The following PPRC1 variants were observed in gnomAD, a reference collection of about 807,000 sequenced individuals.
The protein encoded by PPRC1 is peroxisome proliferator-activated receptor gamma coactivator-related protein 1.
Under a neutral mutation model 132.5 loss-of-function variants are expected in PPRC1, and 23 were observed. The observed-to-expected ratio is 0.17, with a 90% CI of 0.12 to 0.25. PPRC1 has a LOEUF of 0.25. Ranked by LOEUF, PPRC1 falls within the 10% of genes least tolerant of loss-of-function variation. The pLI is 1.00. For missense variants in PPRC1, 2,006 were observed against 2,089.1 expected, an observed-to-expected ratio of 0.96 and a Z score of 0.78; for synonymous variants, 872 against 833.5, an observed-to-expected ratio of 1.05 and a Z score of -0.80.
chr10:102,143,014 G>T, intron 5 of PPRC1, 31 bp from the exon 6 acceptor site: 1 of 1,596,508 alleles, frequency 6.3e-7, no homozygotes, highest in East Asian at 2.2e-5. Flanking sequence ...ATAGGGGCTC[G>T]TTTTCAATCC....
chr10:102,126,315 T>C, the PPRC1 span, among the ~76,000 whole-genome samples: 2 of 149,822 alleles, frequency 1.3e-5, no homozygotes, highest in Non-Finnish European at 3.0e-5. Context: ...GTACTTTAGC[T>C]TGAATGACAG....
chr10:102,137,759 GC>G lies in PPRC1; in HGVS notation c.154-87del, dbSNP rs1361238763. The G allele has an allele frequency of 4.8e-6, 6 of 1,249,390 alleles. No individual in the cohort carries two copies. The African/African-American group carries it at 6.1e-5, about 13-fold the overall frequency. The allele number at this position is 1,249,390 out of a possible 1,614,324, so 77.4% of individuals were successfully genotyped here. A position where few individuals can be genotyped will look rare whatever the true frequency, so the allele number is the denominator to read the frequency against. ...GACAGTGTTGCTGCTGCTGAGTTTG[GC>G]CCCAGCAGTGGAGGGTACCTGATTT... On this transcript the variant is annotated intron_variant, in intron 1 of 13. Transcript: ENST00000278070.
Position 102,138,519 on chromosome 10 carries a change from G to A in PPRC1, c.343-100G>A, listed in dbSNP as rs1318513234. 6.3e-6 allele frequency: 9 copies of A among 1,438,936 alleles called. No homozygotes were observed. The South Asian group carries it at 1.1e-4, about 17-fold the overall frequency. 89.1% of individuals were successfully genotyped at this position (1,438,936 alleles called of 1,614,324 possible). On this transcript the variant is annotated intron_variant, in intron 2 of 13. Transcript: ENST00000278070. ...TCCTTCTCGCTGCCCCATTAGCTGAGTTGAACCTGGGAGACTGATTCTCTC... is the reference window on the plus strand; with the variant it reads ...TCCTTCTCGCTGCCCCATTAGCTGAATTGAACCTGGGAGACTGATTCTCTC...
chr10:102,135,358 C>CTATA (rs77613239), intron 1 of PPRC1, among the ~76,000 whole-genome samples: 9 of 150,848 alleles, frequency 6.0e-5, no homozygotes, highest in South Asian at 4.2e-4. Context: ...CTTTTGTAAG[C>CTATA]TATATATATA....
At chr10:102,123,833 CTTTTT>C in the PPRC1 span, among the ~76,000 whole-genome samples, 1 of 68,294 alleles carries the variant, frequency 1.5e-5, no homozygotes, top group Non-Finnish European at 2.8e-5. Context: ...CACGCCCGGC[CTTTTT>C]TTTTTTTTTT....
upstream of PPRC1, among the ~76,000 whole-genome samples, chr10:102,130,416 CAAAAAAAAAA>C (rs1203599289): frequency 6.3e-5 from 1 of 15,980 alleles, no homozygotes; most frequent in Non-Finnish European, 1.5e-4. Flanking sequence ...GAATCCTTCT[CAAAAAAAAAA>C]AAAAAAAAAA....
chr10:102,137,710 G>C, intron 1 of PPRC1, 140 bp from the exon 2 acceptor site: 1 of 742,508 alleles, frequency 1.3e-6, no homozygotes, highest in Non-Finnish European at 2.1e-6. Flanking sequence ...GCTTCTCTCT[G>C]CTCTGCTAGC....
intron 6 of PPRC1, among the ~76,000 whole-genome samples, chr10:102,143,730 C>T (rs1346307905): frequency 6.6e-6 from 1 of 151,814 alleles, no homozygotes; most frequent in East Asian, 1.9e-4. Flanking sequence ...TGTGTGGCAA[C>T]TAAAGGCAGA....
At chr10:102,136,675 GTATCA>G (rs2068734489) in intron 1 of PPRC1, among the ~76,000 whole-genome samples, 1 of 152,116 alleles carries the variant, frequency 6.6e-6, no homozygotes, top group Non-Finnish European at 1.5e-5. Flanking sequence ...TGTATTGTTT[GTATCA>G]ATACATACCA....
At position 102,138,658 on chromosome 10, in the gene PPRC1, C is replaced by T; in HGVS notation, c.382C>T (p.Leu128Phe). Residue 128 changes from leucine (L) to phenylalanine (F), a missense_variant, in exon 3 of 14, where the codon CTC (leucine) becomes TTC (phenylalanine). Transcript: ENST00000278070. ...GGAGGACCAGAATGAAGTGTCGCTG[C>T]TCACGGCTCTGACGGAGATCTTGGA... is the stretch of plus-strand genomic sequence containing the variant. ...SLEDQNEVSL[L>F]TALTEILDNA... 1 of 1,614,088 alleles carries T rather than the reference C, an allele frequency of 6.2e-7. No homozygotes were observed. The highest frequency in any genetic ancestry group is 2.2e-5 in the East Asian group (1 of 44,856).
intron 1 of PPRC1, among the ~76,000 whole-genome samples, chr10:102,137,634 C>T (rs767080806): frequency 1.3e-5 from 2 of 152,134 alleles, no homozygotes; most frequent in African/African-American, 2.4e-5. Context: ...GGAGCCCAAA[C>T]ATTTTTCTGC....
chr10:102,132,716 C>T (rs536619743), upstream of PPRC1, among the ~76,000 whole-genome samples: 5 of 152,368 alleles, frequency 3.3e-5, no homozygotes, highest in Non-Finnish European at 7.3e-5. Flanking sequence ...GGTAGAACGT[C>T]AAAGAGGACG....
chr10:102,133,470 G>A (rs1051466265), intron 1 of PPRC1, among the ~76,000 whole-genome samples: 2 of 152,138 alleles, frequency 1.3e-5, no homozygotes, highest in Non-Finnish European at 2.9e-5. Context: ...CCGCGGCTGG[G>A]GGTCAGGGGT....
rs546435897 is a variant in PPRC1 at position 102,141,418 on chromosome 10, C to T, written c.2910C>T (p.Val970=). 6.2e-7 allele frequency: 1 copy of T among 1,614,030 alleles called. No homozygotes were observed. The highest frequency in any genetic ancestry group is 1.1e-5 in the South Asian group (1 of 91,084). The part of the protein sequence containing the change: ...SVPWAPPPAP[V]SPYSSTCTYG... ...CTTGGGCACCCCCTCCTGCCCCAGT[C>T]TCACCTTACAGTTCCACATGTACCT... Residue 970 remains valine (V), a synonymous_variant, in exon 5 of 14, where the codon GTC becomes GTT. Transcript: ENST00000278070.
chr10:102,144,986 A>G (rs1359208461), intron 7 of PPRC1, 34 bp from the exon 8 acceptor site: 8 of 1,498,208 alleles, frequency 5.3e-6, no homozygotes, highest in Non-Finnish European at 7.2e-6. Context: ...TGAGAAGGCA[A>G]TGAATCAGGC....
At chr10:102,132,931 T>A (rs1172717813), upstream of PPRC1, 21 of 1,180,650 alleles carry the variant, frequency 1.8e-5, no homozygotes, top group Non-Finnish European at 2.2e-5. Flanking sequence ...TCTTCCAGGG[T>A]GCAAGTGGGT....
the PPRC1 span, among the ~76,000 whole-genome samples, chr10:102,124,698 A>G: frequency 6.8e-6 from 1 of 146,566 alleles, no homozygotes; most frequent in Non-Finnish European, 1.5e-5. Context: ...GCTGGAGTGC[A>G]GTGATATGGT....
chr10:102,148,459 A>G lies in PPRC1; in HGVS notation c.4488A>G (p.Ser1496=). 1.9e-6 allele frequency: 3 copies of G among 1,611,908 alleles called. No individual in the cohort carries two copies. The highest frequency in any genetic ancestry group is 1.7e-4 in the Middle Eastern group (1 of 6,042). ...SSSSSSSSSS[S]SSSRSRSRSP... is the part of the protein sequence containing the mutation. ...CCTCTTCGTCTTCCTCATCCTCATC[A>G]TCCAGTTCTCGAAGCCGCTCACGAT... Residue 1496 remains serine (S), a synonymous_variant, in exon 10 of 14, where the codon TCA becomes TCG. Coordinates refer to ENST00000278070, the MANE Select transcript of PPRC1 (RefSeq NM_015062.5). The surrounding 1 kb of genome is among the most constrained non-coding windows in gnomAD (Gnocchi z 4.2).
Position 102,138,923 on chromosome 10 carries a change from C to A in PPRC1, c.534C>A (p.Asp178Glu), listed in dbSNP as rs1361479254. ...TCTCTCGGACACCCCCAGAACGTGACCTCATCACCCCAGTTGACCCACTGG... is the reference window on the plus strand; with the variant it reads ...TCTCTCGGACACCCCCAGAACGTGAACTCATCACCCCAGTTGACCCACTGG... ...LTLSRTPPER[D>E]LITPVDPLGP... is the part of the protein sequence containing the mutation. Residue 178 changes from aspartate (D) to glutamate (E), a missense_variant, in exon 4 of 14, where the codon GAC (aspartate) becomes GAA (glutamate). Physicochemically the swap from Asp to Glu is conservative, Grantham distance 45. This residue lies in a region of PPRC1 where 1,914 missense variants were observed against 1,917.2 expected (regional missense o/e 1.00). Transcript: ENST00000278070. The A allele has an allele frequency of 6.2e-7, 1 of 1,614,174 alleles. No homozygotes were observed. The highest frequency in any genetic ancestry group is 1.1e-5 in the South Asian group (1 of 91,086).
Sources: allele counts gnomAD v4.1 joint callset (sites outside exome capture counted in the v4.1 genomes callset), GRCh38; gene constraint gnomAD v4.1.1; regional missense constraint gnomAD v4.1.1; non-coding constraint Gnocchi (gnomAD v3.1); transcripts MANE v1.5; gene names NCBI Gene and HGNC (gene_info 2026-07-23, HGNC 2026-07-21).